The following ODAD2 variants were observed in gnomAD, a reference collection of about 807,000 sequenced individuals.
ODAD2 encodes the protein outer dynein arm-docking complex subunit 2.
A neutral mutation model predicts 106.8 loss-of-function variants in ODAD2; 89 were observed. That is an observed-to-expected ratio of 0.83 (90% confidence interval 0.70 to 0.99). The LOEUF (loss-of-function observed/expected upper bound fraction) is 0.99. Among genes scored for constraint, ODAD2 ranks in the 50% least tolerant of loss-of-function variants. The pLI is 0.00. For missense variants in ODAD2, 1,168 were observed against 1,238.5 expected, an observed-to-expected ratio of 0.94 and a Z score of 0.85; for synonymous variants, 404 against 436.2, an observed-to-expected ratio of 0.93 and a Z score of 0.92.
intron 19 of ODAD2, among the ~76,000 whole-genome samples, chr10:27,821,936 A>G (rs1165873260): frequency 6.6e-6 from 1 of 152,232 alleles, no homozygotes; most frequent in Non-Finnish European, 1.5e-5. Flanking sequence ...TCATATATAC[A>G]CTGAAGGAAA....
At chr10:27,933,538 C>A (rs1279141213) in intron 16 of ODAD2, among the ~76,000 whole-genome samples, 2 of 152,098 alleles carry the variant, frequency 1.3e-5, no homozygotes, top group Non-Finnish European at 2.9e-5. Flanking sequence ...AAATAGGACC[C>A]ATTTCAATAG....
chr10:27,988,912 G>A (rs1379042437), intron 2 of ODAD2, among the ~76,000 whole-genome samples: 6 of 152,162 alleles, frequency 3.9e-5, no homozygotes, highest in Non-Finnish European at 7.3e-5. Flanking sequence ...TTTGGAGGAA[G>A]CCAAACATAA....
At chr10:27,911,100 G>A (rs9416762) in intron 16 of ODAD2, among the ~76,000 whole-genome samples, 7,043 of 152,200 alleles carry the variant, frequency 0.046, 234 homozygotes, top group Non-Finnish European at 0.072. Context: ...CATCGCCGCC[G>A]TCCTGCACTT....
At chr10:27,834,625 A>AG (rs773187282) in intron 19 of ODAD2, among the ~76,000 whole-genome samples, 34 of 152,178 alleles carry the variant, frequency 2.2e-4, no homozygotes, top group Non-Finnish European at 4.6e-4. Context: ...AGAGGCAGGC[A>AG]GGGGGCAGAT....
At chr10:27,882,167 TA>T (rs764639336) in intron 17 of ODAD2, among the ~76,000 whole-genome samples, 2 of 68,976 alleles carry the variant, frequency 2.9e-5, no homozygotes, top group African/African-American at 1.5e-4. Context: ...GACCTTGTCA[TA>T]AAAAAAAAGA....
At chr10:27,954,133 T>C (rs1259174482) in intron 10 of ODAD2, among the ~76,000 whole-genome samples, 3 of 152,216 alleles carry the variant, frequency 2.0e-5, no homozygotes. Flanking sequence ...TCAACTCATA[T>C]ATTTAAAAAT....
At chr10:27,994,087 C>A (rs1220794465) in intron 2 of ODAD2, among the ~76,000 whole-genome samples, 1 of 150,996 alleles carries the variant, frequency 6.6e-6, no homozygotes, top group East Asian at 1.9e-4. Context: ...TTAATTTGTT[C>A]ACATAATTTA....
At chr10:27,937,343 T>C (rs923868612) in intron 14 of ODAD2, among the ~76,000 whole-genome samples, 3 of 149,378 alleles carry the variant, frequency 2.0e-5, no homozygotes, top group African/African-American at 7.4e-5. Context: ...TTTTTTCTTT[T>C]TTTTTTTTTT....
chr10:27,875,023 G>A (rs931202642), intron 17 of ODAD2, among the ~76,000 whole-genome samples: 3 of 152,088 alleles, frequency 2.0e-5, no homozygotes, highest in African/African-American at 7.2e-5. Flanking sequence ...TTTTCACATA[G>A]TCCCATATTT....
rs562490937 is a variant in ODAD2, at chr10:27,978,858, G to T, written c.936+2608C>A. On this transcript the variant is annotated intron_variant, in intron 7 of 19. Transcript: ENST00000305242. ...CCTCAACATGCTAAAGGTCATATAA[G>T]AAAATCCCACAGCTAACATCAGGCT... 2.0e-5 allele frequency among the ~76,000 whole-genome samples: 3 copies of T among 152,016 alleles called. No individual in the cohort carries two copies. The South Asian group carries it at 6.2e-4, about 32-fold the overall frequency.
At chr10:27,952,279 G>C (rs1372366493) in intron 10 of ODAD2, among the ~76,000 whole-genome samples, 2 of 151,484 alleles carry the variant, frequency 1.3e-5, no homozygotes, top group Non-Finnish European at 2.9e-5. Context: ...ATTCAAACAA[G>C]GTACATTTTG....
At chr10:27,936,542 G>T (rs1014266753) in intron 15 of ODAD2, among the ~76,000 whole-genome samples, 184 bp downstream of exon 15, 27 of 152,202 alleles carry the variant, frequency 1.8e-4, no homozygotes, top group African/African-American at 6.5e-4. Flanking sequence ...GTCATTGCCA[G>T]GTGGTGGGCA....
At chr10:27,881,112 G>A (rs1386367757) in intron 17 of ODAD2, among the ~76,000 whole-genome samples, 1 of 152,012 alleles carries the variant, frequency 6.6e-6, no homozygotes, top group African/African-American at 2.4e-5. Flanking sequence ...TTACTCTTCA[G>A]GATTGTTAAA....
At chr10:27,951,178 T>C (rs1051339661) in intron 10 of ODAD2, among the ~76,000 whole-genome samples, 8 of 152,208 alleles carry the variant, frequency 5.3e-5, no homozygotes, top group Admixed American at 3.9e-4. Flanking sequence ...ATTATTAAAA[T>C]TGCAGTTTAT....
intron 17 of ODAD2, among the ~76,000 whole-genome samples, chr10:27,870,803 C>T (rs1195629844): frequency 1.3e-5 from 2 of 152,048 alleles, no homozygotes; most frequent in Non-Finnish European, 2.9e-5. Context: ...TGAATAGTGC[C>T]ACAATAAACA....
At chr10:27,902,109 T>C (rs953715736) in intron 17 of ODAD2, among the ~76,000 whole-genome samples, 2 of 152,166 alleles carry the variant, frequency 1.3e-5, no homozygotes, top group Admixed American at 6.5e-5. Context: ...AAACAGTCTC[T>C]CGGACCACAG....
chr10:27,973,521 T>C (rs1261646280), intron 7 of ODAD2, among the ~76,000 whole-genome samples: 2 of 152,070 alleles, frequency 1.3e-5, no homozygotes, highest in African/African-American at 2.4e-5. Context: ...CCAGGGTCTA[T>C]TGCTCCCCTT....
intron 16 of ODAD2, among the ~76,000 whole-genome samples, chr10:27,918,191 T>C (rs1643251788): frequency 6.6e-6 from 1 of 151,882 alleles, no homozygotes; most frequent in South Asian, 2.1e-4. Context: ...TGCATAAACC[T>C]GATACTAACA....
chr10:27,826,094 T>C lies in ODAD2; in HGVS notation c.3022-13469A>G, dbSNP rs1837018634. ...CTTAGTAATACCAGTGACTGCTTCA[T>C]CTCTGCCTCTCGTTGCTGTCTATCA... On this transcript the variant is annotated intron_variant, in intron 19 of 19. Coordinates refer to ENST00000305242, the MANE Select transcript of ODAD2 (RefSeq NM_018076.5). Among the ~76,000 whole-genome samples, 3 of 152,302 alleles carry C rather than the reference T, an allele frequency of 2.0e-5. No homozygotes were observed. The South Asian group carries it at 6.2e-4, about 32-fold the overall frequency.
Sources: gnomAD v4.1 joint callset for allele counts (sites outside exome capture counted in the v4.1 genomes callset) on GRCh38, gnomAD v4.1.1 for gene constraint, MANE v1.5 for transcripts, NCBI Gene and HGNC (gene_info 2026-07-23, HGNC 2026-07-21) for gene names.